The following FBXL17 variants were observed in gnomAD, a reference collection of about 807,000 sequenced individuals.
FBXL17 encodes the protein F-box/LRR-repeat protein 17.
FBXL17 carries 22 observed loss-of-function variants against 66.2 expected under a neutral mutation model. That is an observed-to-expected ratio of 0.33 (90% confidence interval 0.24 to 0.47). The LOEUF (loss-of-function observed/expected upper bound fraction) is 0.47, where lower values mean the gene tolerates loss of function less well. Ranked by LOEUF, FBXL17 falls within the 20% of genes least tolerant of loss-of-function variation. FBXL17 has a pLI of 1.00. For synonymous variants in FBXL17, 474 were observed against 400.5 expected (o/e 1.18, Z -2.19); for missense variants, 878 against 948.2 (o/e 0.93, Z 0.97).
intron 8 of FBXL17, among the ~76,000 whole-genome samples, chr5:107,872,223 T>C (rs941983277): frequency 1.3e-5 from 2 of 152,210 alleles, no homozygotes; most frequent in Non-Finnish European, 2.9e-5. Context: ...GGCTGGGCTC[T>C]GAAAGATGCC....
intron 6 of FBXL17, among the ~76,000 whole-genome samples, chr5:108,037,901 T>C (rs1373545405): frequency 3.9e-5 from 6 of 152,154 alleles, no homozygotes; most frequent in Non-Finnish European, 8.8e-5. Context: ...CTATGTAGTA[T>C]CTTGCCCCAA....
chr5:108,168,998 C>T (rs1009290055), intron 6 of FBXL17, among the ~76,000 whole-genome samples: 1 of 152,132 alleles, frequency 6.6e-6, no homozygotes, highest in Non-Finnish European at 1.5e-5. Flanking sequence ...GACCTTGTCC[C>T]TTTTTAAACA....
At chr5:108,243,547 T>C (rs539781894) in intron 4 of FBXL17, among the ~76,000 whole-genome samples, 10 of 152,278 alleles carry the variant, frequency 6.6e-5, no homozygotes, top group African/African-American at 2.4e-4. Context: ...GTTAAAGTAA[T>C]CTTCCCAAGA....
chr5:108,002,076 T>G (rs1256272712), intron 7 of FBXL17, among the ~76,000 whole-genome samples: 1 of 151,972 alleles, frequency 6.6e-6, no homozygotes, highest in East Asian at 1.9e-4. Context: ...AGTGCAATGG[T>G]GCGATCTCAG....
At chr5:108,311,386 G>A (rs1759109842) in intron 4 of FBXL17, among the ~76,000 whole-genome samples, 1 of 152,034 alleles carries the variant, frequency 6.6e-6, no homozygotes, top group East Asian at 1.9e-4. Flanking sequence ...TGGCCAGGCT[G>A]GTTTTGAACT....
Position 108,380,853 on chromosome 5 carries a change from C to G in FBXL17, c.839G>C (p.Arg280Pro). ...GGACAAGGGGGCGGTGCCCCCGGCT[C>G]GGACAGCGTCCCCGCCAGCTTCGGT... ...APTEAGGDAV[R>P]AGGTAPLSAQ... The change falls in exon 1 of 9, where the codon CGA becomes CCA. Residue 280 changes from arginine (R) to proline (P), a missense_variant. Transcript: ENST00000542267. 1.6e-6 allele frequency: 2 copies of G among 1,246,162 alleles called. No homozygotes were observed. The highest frequency in any genetic ancestry group is 4.1e-5 in the South Asian group (1 of 24,426). 77.2% of individuals were successfully genotyped at this position (1,246,162 alleles called of 1,614,324 possible). A position where few individuals can be genotyped will look rare whatever the true frequency, so the allele number is the denominator to read the frequency against.
chr5:108,310,423 T>C (rs1759061300), intron 4 of FBXL17, among the ~76,000 whole-genome samples: 2 of 152,142 alleles, frequency 1.3e-5, no homozygotes, highest in African/African-American at 4.8e-5. Context: ...TAATCTTCTG[T>C]CCCAAATTTG....
At chr5:107,899,696 C>A (rs574488185) in intron 7 of FBXL17, among the ~76,000 whole-genome samples, 3 of 152,108 alleles carry the variant, frequency 2.0e-5, no homozygotes, top group African/African-American at 7.2e-5. Flanking sequence ...TTAGGTTATT[C>A]CATACGAATG....
chr5:108,126,258 A>G (rs1750691875), intron 6 of FBXL17, among the ~76,000 whole-genome samples: 1 of 152,176 alleles, frequency 6.6e-6, no homozygotes. Flanking sequence ...AGAACCTGGC[A>G]TATGAGACAT....
At chr5:108,150,799 T>C (rs1239121705) in intron 6 of FBXL17, among the ~76,000 whole-genome samples, 2 of 152,226 alleles carry the variant, frequency 1.3e-5, no homozygotes, top group South Asian at 2.1e-4. Context: ...TTCCGCATTA[T>C]TGGTGGTGAT....
intron 6 of FBXL17, among the ~76,000 whole-genome samples, chr5:108,093,060 C>A (rs1277040773): frequency 6.6e-6 from 1 of 151,972 alleles, no homozygotes; most frequent in Non-Finnish European, 1.5e-5. Context: ...TAACTTTATA[C>A]CTGTGCAGAC....
intron 6 of FBXL17, among the ~76,000 whole-genome samples, chr5:108,075,083 C>T (rs1364146556): frequency 6.6e-6 from 1 of 152,150 alleles, no homozygotes; most frequent in Non-Finnish European, 1.5e-5. Flanking sequence ...TCTAGACGGT[C>T]TGCCTTCCAG....
intron 6 of FBXL17, among the ~76,000 whole-genome samples, chr5:108,168,209 G>A (rs999991637): frequency 1.3e-5 from 2 of 152,150 alleles, no homozygotes; most frequent in African/African-American, 4.8e-5. Flanking sequence ...CCACTTTGCA[G>A]TCTTTGAAAG....
intron 7 of FBXL17, 45 bp from the exon 8 acceptor site, chr5:107,881,224 G>T: frequency 8.3e-7 from 1 of 1,208,202 alleles, no homozygotes; most frequent in Non-Finnish European, 1.2e-6. Flanking sequence ...AGCAGTGTAA[G>T]GGAGCTCTAT....
intron 6 of FBXL17, among the ~76,000 whole-genome samples, chr5:108,056,389 G>A (rs1747710507): frequency 6.6e-6 from 1 of 152,192 alleles, no homozygotes. Context: ...AACAGGTAGT[G>A]GGGAATAATT....
intron 3 of FBXL17, among the ~76,000 whole-genome samples, chr5:108,353,744 G>C (rs1304222295): frequency 1.3e-5 from 2 of 152,094 alleles, no homozygotes; most frequent in Non-Finnish European, 2.9e-5. Context: ...AGCCATCCCA[G>C]CCCACCTAAG....
At chr5:108,097,871 T>C (rs1749443000) in intron 6 of FBXL17, among the ~76,000 whole-genome samples, 1 of 152,142 alleles carries the variant, frequency 6.6e-6, no homozygotes, top group Admixed American at 6.5e-5. Context: ...ACCATAATTC[T>C]CTGAATAACA....
At chr5:108,184,678 A>G (rs1013655666) in intron 6 of FBXL17, among the ~76,000 whole-genome samples, 4 of 135,498 alleles carry the variant, frequency 3.0e-5, no homozygotes, top group Admixed American at 2.6e-4. Context: ...CAGGAGGTGG[A>G]GGCTGAAGTG....
chr5:108,095,009 C>T (rs1474659033), intron 6 of FBXL17, among the ~76,000 whole-genome samples: 1 of 151,994 alleles, frequency 6.6e-6, no homozygotes, highest in East Asian at 1.9e-4. Flanking sequence ...AAAAAACTTG[C>T]TTCTCTGGCC....
Sources: allele counts gnomAD v4.1 joint callset (sites outside exome capture counted in the v4.1 genomes callset), GRCh38; gene constraint gnomAD v4.1.1; transcripts MANE v1.5; gene names NCBI Gene and HGNC (gene_info 2026-07-23, HGNC 2026-07-21).